HAO1: variants seen among roughly 807,000 people sequenced by gnomAD.
The protein encoded by HAO1 is hydroxyacid oxidase 1.
In HAO1, 34 loss-of-function variants were observed where a neutral mutation model predicts 39.7. The ratio of observed to expected loss-of-function variants is 0.86; its 90% CI spans 0.65 to 1.14. HAO1 has a LOEUF of 1.14. HAO1 is among the 50% of genes most tolerant of loss of function. The probability of loss-of-function intolerance (pLI) is 0.00; values close to 1 mark genes in which losing one functional copy is unlikely to be tolerated. For missense variants in HAO1, 479 were observed against 464.5 expected (o/e 1.03, Z -0.29); for synonymous variants, 172 against 173.2 (o/e 0.99, Z 0.05).
chr20:7,936,971 G>T (rs992337679), intron 1 of HAO1, among the ~76,000 whole-genome samples: 1 of 151,974 alleles, frequency 6.6e-6, no homozygotes, highest in Non-Finnish European at 1.5e-5. Flanking sequence ...TATATTCTCG[G>T]ACTGTGCTTT....
intron 3 of HAO1, among the ~76,000 whole-genome samples, chr20:7,910,388 T>A (rs746827158): frequency 2.2e-4 from 33 of 152,236 alleles, no homozygotes; most frequent in Non-Finnish European, 3.5e-4. Flanking sequence ...ACAACAGCAA[T>A]AAAAATAACA....
intron 1 of HAO1, among the ~76,000 whole-genome samples, chr20:7,938,874 G>A (rs1012384814): frequency 3.9e-5 from 6 of 152,116 alleles, no homozygotes; most frequent in Non-Finnish European, 5.9e-5. Flanking sequence ...ATGCGACAAA[G>A]GGAATTAAGA....
At position 7,885,868 on chromosome 20, in the gene HAO1, G is replaced by A. The variant is rs758505514; in HGVS notation, c.814-4C>T. The A allele has an allele frequency of 6.2e-7, 1 of 1,612,060 alleles. No individual in the cohort carries two copies. The highest frequency in any genetic ancestry group is 1.1e-5 in the South Asian group (1 of 90,942). ...CAATTTCTGGCAGAACATCAATCTG[G>A]GGAAAGAAAAGTTCAATAATGTGAC... On this transcript the variant is annotated splice_polypyrimidine_tract_variant and splice_region_variant and intron_variant, in intron 5 of 7. Transcript: ENST00000378789.
chr20:7,883,710 A>G, intron 7 of HAO1, 47 bp from the exon 8 acceptor site: 1 of 1,283,478 alleles, frequency 7.8e-7, no homozygotes, highest in Non-Finnish European at 1.1e-6. Context: ...TGCAATAATA[A>G]TCAGGCAGGT....
chr20:7,936,547 T>TGTGTGTGTGTG (rs751822933), intron 1 of HAO1, among the ~76,000 whole-genome samples: 148 of 136,608 alleles, frequency 1.1e-3, no homozygotes, highest in South Asian at 1.5e-3. Context: ...TGTGTGTGTG[T>TGTGTGTGTGTG]TCGCGCGCGC....
At chr20:7,924,412 A>G (rs1426422010) in intron 2 of HAO1, among the ~76,000 whole-genome samples, 1 of 152,172 alleles carries the variant, frequency 6.6e-6, no homozygotes, top group Non-Finnish European at 1.5e-5. Context: ...AAATCCAACA[A>G]TCTTACACAC....
In HAO1 at chr20:7,889,072, G is replaced by A. The variant is rs146347659; in HGVS notation, c.814-3208C>T. 2.6e-3 allele frequency among the ~76,000 whole-genome samples: 396 copies of A among 152,260 alleles called. 5 individuals are homozygous for A. Among genetic ancestry groups the A allele is most frequent in the African/African-American group, 8.7e-3 (362 of 41,564 alleles). ...GCCCAAATTGCCAACCCACAAAATTGTAAAATGTAATAATGACGATTGTGG... is the reference window on the plus strand; with the variant it reads ...GCCCAAATTGCCAACCCACAAAATTATAAAATGTAATAATGACGATTGTGG... On this transcript the variant is annotated intron_variant, in intron 5 of 7. Coordinates refer to ENST00000378789, the MANE Select transcript of HAO1 (RefSeq NM_017545.3).
chr20:7,895,163 C>CCCATGATT lies in HAO1; in HGVS notation c.775_782dup (p.Ala262IlefsTer43), dbSNP rs1170195950. ...CTGGCACCCCATCGAGTTGTCGAGC[C>CCCATGATT]CCATGATTCGACACCAAGATCCCAT... On this transcript the variant is annotated frameshift_variant, in exon 5 of 8. Transcript: ENST00000378789. LOFTEE classifies it high-confidence loss of function. 3 of 1,612,440 alleles carry CCCATGATT rather than the reference C, an allele frequency of 1.9e-6. No homozygotes were observed. The African/African-American group carries it at 4.0e-5, about 22-fold the overall frequency.
chr20:7,915,292 A>C (rs1478136330), intron 2 of HAO1, among the ~76,000 whole-genome samples: 2 of 151,904 alleles, frequency 1.3e-5, no homozygotes, highest in African/African-American at 2.4e-5. Context: ...TCATAATGTG[A>C]GTGGGTCTTA....
chr20:7,937,536 G>A (rs2050418617), intron 1 of HAO1, among the ~76,000 whole-genome samples: 1 of 152,022 alleles, frequency 6.6e-6, no homozygotes, highest in Non-Finnish European at 1.5e-5. Flanking sequence ...TTATTTAAAA[G>A]AAAATGATGC....
intron 2 of HAO1, among the ~76,000 whole-genome samples, chr20:7,922,828 G>T (rs2050340670): frequency 6.6e-6 from 1 of 152,042 alleles, no homozygotes; most frequent in Non-Finnish European, 1.5e-5. Context: ...CATTTGCAAT[G>T]TAACTATAAA....
intron 4 of HAO1, among the ~76,000 whole-genome samples, chr20:7,897,067 G>T (rs2050201100): frequency 1.3e-5 from 2 of 152,152 alleles, no homozygotes; most frequent in Admixed American, 6.6e-5. Flanking sequence ...AGCTTCTCTT[G>T]TGTGTGAATG....
chr20:7,928,918 G>A (rs2050373561), intron 2 of HAO1, among the ~76,000 whole-genome samples: 1 of 152,074 alleles, frequency 6.6e-6, no homozygotes, highest in South Asian at 2.1e-4. Flanking sequence ...AAGATTTCTG[G>A]CTTCTTAAAA....
At chr20:7,903,730 G>A (rs1249848115) in intron 4 of HAO1, among the ~76,000 whole-genome samples, 1 of 150,432 alleles carries the variant, frequency 6.6e-6, no homozygotes, top group African/African-American at 2.4e-5. Context: ...GGTGGTAGTT[G>A]TGGTGGTGGT....
rs757146530 is a variant in HAO1 at position 7,901,792 on chromosome 20, G to T, written c.721+4362C>A. Among the ~76,000 whole-genome samples the T allele has an allele frequency of 3.3e-5, 5 of 152,212 alleles. No homozygotes were observed. The South Asian group carries it at 8.3e-4, about 25-fold the overall frequency. On this transcript the variant is annotated intron_variant, in intron 4 of 7. Coordinates refer to ENST00000378789, the MANE Select transcript of HAO1 (RefSeq NM_017545.3). The stretch of plus-strand genomic sequence containing the variant: ...AATAAATTGAAAACTTTCTGGAAAG[G>T]ATTCACCATCTAGATGCCATTAAGA...
intron 2 of HAO1, among the ~76,000 whole-genome samples, chr20:7,922,241 TAATG>T (rs2122786011): frequency 6.6e-6 from 1 of 152,200 alleles, no homozygotes; most frequent in African/African-American, 2.4e-5. Flanking sequence ...ATTAAAATCA[TAATG>T]AAGTATCACC....
At chr20:7,894,166 C>A (rs2050186327) in intron 5 of HAO1, among the ~76,000 whole-genome samples, 1 of 152,112 alleles carries the variant, frequency 6.6e-6, no homozygotes, top group Non-Finnish European at 1.5e-5. Context: ...GATCATGGAT[C>A]CATAAAATCC....
In HAO1 at chr20:7,934,611, G is replaced by C; in HGVS notation, c.162C>G (p.Leu54=). ...ACAGATCTGTTTCAGCAACATTCCG[G>C]AGCATCCTTGGATACAGCTTCCATC... ...FSRWKLYPRM[L]RNVAETDLST... The change falls in exon 2 of 8, where the codon CTC becomes CTG. Residue 54 remains leucine (L), a synonymous_variant. Coordinates refer to ENST00000378789, the MANE Select transcript of HAO1 (RefSeq NM_017545.3). 2 of 1,609,594 alleles carry C rather than the reference G, an allele frequency of 1.2e-6. No individual in the cohort carries two copies. The highest frequency in any genetic ancestry group is 2.2e-5 in the South Asian group (2 of 90,834).
chr20:7,887,615 A>G (rs1197798029), intron 5 of HAO1, among the ~76,000 whole-genome samples: 2 of 152,182 alleles, frequency 1.3e-5, no homozygotes, highest in Non-Finnish European at 2.9e-5. Context: ...TATAAATGCT[A>G]TAATTTCCAA....
Sources: allele counts gnomAD v4.1 joint callset (sites outside exome capture counted in the v4.1 genomes callset), GRCh38; gene constraint gnomAD v4.1.1; transcripts MANE v1.5; gene names NCBI Gene and HGNC (gene_info 2026-07-23, HGNC 2026-07-21).